SORCS1: variants seen among roughly 807,000 people sequenced by gnomAD.
The protein encoded by SORCS1 is VPS10 domain-containing receptor SorCS1.
In SORCS1, 60 loss-of-function variants were observed where a neutral mutation model predicts 146.1. The observed-to-expected ratio is 0.41, with a 90% CI of 0.33 to 0.51. SORCS1 has a LOEUF of 0.51. SORCS1 is among the 20% of genes least tolerant of loss of function. SORCS1 has a pLI of 0.21. For missense variants in SORCS1, 1,352 were observed against 1,487.6 expected (o/e 0.91, Z 1.50); for synonymous variants, 637 against 584.0 (o/e 1.09, Z -1.31).
chr10:106,629,720 G>A (rs1848322354), intron 18 of SORCS1, among the ~76,000 whole-genome samples: 2 of 152,200 alleles, frequency 1.3e-5, no homozygotes, highest in African/African-American at 2.4e-5. Context: ...CATCCACAAG[G>A]ATAAAAGGTG....
chr10:106,702,909 A>C (rs1376183821), intron 8 of SORCS1, among the ~76,000 whole-genome samples: 3 of 152,194 alleles, frequency 2.0e-5, no homozygotes, highest in African/African-American at 7.2e-5. Context: ...TTAGGATTTT[A>C]GTAGACTTGA....
chr10:106,642,607 T>C (rs1849146204), intron 18 of SORCS1, among the ~76,000 whole-genome samples: 1 of 152,208 alleles, frequency 6.6e-6, no homozygotes, highest in Non-Finnish European at 1.5e-5. Flanking sequence ...TTTGTCTTTG[T>C]TTTGGATTTA....
intron 1 of SORCS1, among the ~76,000 whole-genome samples, chr10:107,037,286 G>T (rs1477440628): frequency 1.3e-5 from 2 of 152,100 alleles, no homozygotes; most frequent in Non-Finnish European, 2.9e-5. Context: ...TATGAAGTCA[G>T]TCTACCAAAA....
chr10:106,797,648 G>A (rs1213639583), intron 3 of SORCS1, among the ~76,000 whole-genome samples: 5 of 152,038 alleles, frequency 3.3e-5, no homozygotes, highest in African/African-American at 9.7e-5. Context: ...AAGCACGCTT[G>A]GGGTAAAACA....
At chr10:106,872,099 T>C (rs1477630875) in intron 2 of SORCS1, among the ~76,000 whole-genome samples, 1 of 152,164 alleles carries the variant, frequency 6.6e-6, no homozygotes, top group Admixed American at 6.6e-5. Context: ...AACAAACATA[T>C]AAGTAATTTT....
intron 1 of SORCS1, among the ~76,000 whole-genome samples, chr10:106,964,708 G>C (rs962343326): frequency 6.6e-6 from 1 of 151,870 alleles, no homozygotes; most frequent in Non-Finnish European, 1.5e-5. Context: ...GGATAGTTTC[G>C]ATCTCCTGAC....
At chr10:106,984,714 T>G (rs1345024743) in intron 1 of SORCS1, among the ~76,000 whole-genome samples, 3 of 152,000 alleles carry the variant, frequency 2.0e-5, no homozygotes, top group Non-Finnish European at 1.5e-5. Context: ...ATTGTAAAAG[T>G]TACTATTATC....
intron 23 of SORCS1, among the ~76,000 whole-genome samples, chr10:106,603,653 C>A (rs925920639): frequency 6.6e-6 from 1 of 152,014 alleles, no homozygotes; most frequent in Non-Finnish European, 1.5e-5. Flanking sequence ...GGGGCCAAGG[C>A]GTGAAATGAG....
chr10:106,661,218 G>A (rs944679924), intron 17 of SORCS1, among the ~76,000 whole-genome samples: 2 of 152,052 alleles, frequency 1.3e-5, no homozygotes, highest in East Asian at 1.9e-4. Flanking sequence ...GGGTTATTTC[G>A]GCACTAACAT....
chr10:106,820,261 T>G (rs569232321), intron 3 of SORCS1, among the ~76,000 whole-genome samples: 1 of 152,220 alleles, frequency 6.6e-6, no homozygotes, highest in African/African-American at 2.4e-5. Flanking sequence ...AGCTGTTATA[T>G]TGTATATATC....
At chr10:106,818,368 G>A (rs922603215) in intron 3 of SORCS1, among the ~76,000 whole-genome samples, 40 of 134,932 alleles carry the variant, frequency 3.0e-4, no homozygotes, top group Non-Finnish European at 6.4e-4. Flanking sequence ...GGGTCATGAG[G>A]ATTTTTTTTT....
At chr10:106,887,712 A>G (rs566300078) in intron 2 of SORCS1, among the ~76,000 whole-genome samples, 2 of 152,344 alleles carry the variant, frequency 1.3e-5, no homozygotes, top group South Asian at 4.1e-4. Context: ...ACTGACAGTT[A>G]CAGAATCACT....
At chr10:106,934,807 G>A (rs535056064) in intron 2 of SORCS1, among the ~76,000 whole-genome samples, 2 of 152,196 alleles carry the variant, frequency 1.3e-5, no homozygotes, top group East Asian at 1.9e-4. Context: ...GAAGTAACTC[G>A]GGAATGGAAA....
chr10:107,017,808 G>A (rs558066175), intron 1 of SORCS1, among the ~76,000 whole-genome samples: 6 of 152,124 alleles, frequency 3.9e-5, no homozygotes, highest in Non-Finnish European at 5.9e-5. Context: ...GTGCCACCAC[G>A]CCCGGCTATT....
At chr10:106,578,699 C>G (rs1012907896) in intron 25 of SORCS1, 10 of 1,051,840 alleles carry the variant, frequency 9.5e-6, no homozygotes, top group Non-Finnish European at 1.1e-5. Flanking sequence ...TCATTCTAGT[C>G]AATACATACC....
chr10:107,161,422 C>A (rs949449964), intron 1 of SORCS1, among the ~76,000 whole-genome samples: 1 of 152,118 alleles, frequency 6.6e-6, no homozygotes, highest in African/African-American at 2.4e-5. Flanking sequence ...CAATCTGGCC[C>A]TCGGGTTTAA....
At chr10:106,925,252 G>C (rs1362001738) in intron 2 of SORCS1, among the ~76,000 whole-genome samples, 2 of 151,790 alleles carry the variant, frequency 1.3e-5, no homozygotes, top group Non-Finnish European at 2.9e-5. Flanking sequence ...CTCTGCCAGA[G>C]GCCAGAGCAG....
intron 1 of SORCS1, among the ~76,000 whole-genome samples, chr10:107,144,198 C>A (rs1163518542): frequency 1.3e-5 from 2 of 152,168 alleles, no homozygotes; most frequent in Non-Finnish European, 2.9e-5. Flanking sequence ...CTGATACCCT[C>A]ACCTTACTCC....
chr10:106,633,027 G>T (rs1437598180), intron 18 of SORCS1, among the ~76,000 whole-genome samples: 1 of 151,918 alleles, frequency 6.6e-6, no homozygotes, highest in Non-Finnish European at 1.5e-5. Flanking sequence ...AAAGAAGGAG[G>T]AAAAAGAGAG....
Sources: allele counts gnomAD v4.1 joint callset (sites outside exome capture counted in the v4.1 genomes callset), GRCh38; gene constraint gnomAD v4.1.1; transcripts MANE v1.5; gene names NCBI Gene and HGNC (gene_info 2026-07-23, HGNC 2026-07-21).